The following AMPD3 variants were observed in gnomAD, a reference collection of about 807,000 sequenced individuals.
AMPD3 encodes the protein adenosine monophosphate deaminase 3, also known as AMP deaminase 3.
Under a neutral mutation model 82.3 loss-of-function variants are expected in AMPD3, and 57 were observed. The observed-to-expected ratio is 0.69, with a 90% CI of 0.56 to 0.86. The LOEUF is 0.86. Among genes scored for constraint, AMPD3 ranks in the 40% least tolerant of loss-of-function variants. The pLI, the probability that AMPD3 is intolerant of heterozygous loss-of-function variation, is 0.00. For missense variants in AMPD3, 870 were observed against 1,003.8 expected (o/e 0.87, Z 1.80); for synonymous variants, 381 against 394.7 (o/e 0.97, Z 0.41).
chr11:10,462,947 G>A (rs1848315041), intron 2 of AMPD3, among the ~76,000 whole-genome samples: 2 of 152,138 alleles, frequency 1.3e-5, no homozygotes, highest in South Asian at 4.1e-4. Flanking sequence ...CTGTGACCAG[G>A]GCTGGAGGAC....
chr11:10,491,129 C>G (rs565710839), intron 6 of AMPD3, among the ~76,000 whole-genome samples: 1 of 152,214 alleles, frequency 6.6e-6, no homozygotes. Context: ...CACCCCAGCC[C>G]GGGCTGAGCG....
intron 2 of AMPD3, chr11:10,476,890 G>A: frequency 5.1e-6 from 5 of 983,572 alleles, no homozygotes; most frequent in Non-Finnish European, 6.0e-6. Flanking sequence ...CAGGGCTCAG[G>A]TTGAGTTTCC....
chr11:10,502,951 C>T (rs1387103995), intron 13 of AMPD3, 57 bp downstream of exon 13: 3 of 1,582,972 alleles, frequency 1.9e-6, no homozygotes, highest in Non-Finnish European at 2.6e-6. Flanking sequence ...CCTAGCCTGT[C>T]CTCCCATTTC....
At chr11:10,452,831 A>G (rs1405927651), upstream of AMPD3, among the ~76,000 whole-genome samples, 1 of 152,210 alleles carries the variant, frequency 6.6e-6, no homozygotes, top group Non-Finnish European at 1.5e-5. Flanking sequence ...GCTTTTTATT[A>G]TCCACACTTC....
At chr11:10,472,423 C>T (rs1848621274) in intron 2 of AMPD3, among the ~76,000 whole-genome samples, 1 of 151,626 alleles carries the variant, frequency 6.6e-6, no homozygotes, top group East Asian at 1.9e-4. Flanking sequence ...TTACATGTAC[C>T]CCAGAACTTA....
intron 2 of AMPD3, among the ~76,000 whole-genome samples, chr11:10,464,095 G>C (rs1226234515): frequency 2.0e-5 from 3 of 152,176 alleles, no homozygotes; most frequent in Non-Finnish European, 4.4e-5. Flanking sequence ...TACCTTCATG[G>C]GGTGTTGTGA....
At chr11:10,451,094 C>G (rs758723438), upstream of AMPD3, 46 of 1,549,444 alleles carry the variant, frequency 3.0e-5, no homozygotes, top group Non-Finnish European at 3.9e-5. Context: ...CCCGCGGACC[C>G]TGCGGCCCAG....
chr11:10,451,702 A>C (rs1196486187), upstream of AMPD3, among the ~76,000 whole-genome samples: 2 of 152,194 alleles, frequency 1.3e-5, no homozygotes, highest in African/African-American at 4.8e-5. Context: ...ATGGCGACAC[A>C]TCAGCAAAGG....
Position 10,455,430 on chromosome 11 carries a change from G to A in AMPD3, c.-24G>A, listed in dbSNP as rs1175795870. 6 of 985,322 alleles carry A rather than the reference G, an allele frequency of 6.1e-6. No individual in the cohort carries two copies. The highest frequency in any genetic ancestry group is 1.2e-4 in the Admixed American group (2 of 16,272). 61.0% of individuals were successfully genotyped at this position (985,322 alleles called of 1,614,324 possible). On this transcript the variant is annotated 5_prime_UTR_variant, in exon 1 of 15. The change creates a new upstream start codon in the 5' untranslated region. Coordinates refer to ENST00000396553, the MANE Select transcript of AMPD3 (RefSeq NM_001025389.2). ...CCAGCGCTCGGAGCTGGAGGCCCAC[G>A]TGGGAGCAGTGAGCGGCTGTAAGCA...
intron 5 of AMPD3, among the ~76,000 whole-genome samples, chr11:10,486,217 G>A (rs532788405): frequency 3.6e-4 from 55 of 152,134 alleles, no homozygotes; most frequent in Admixed American, 7.2e-4. Context: ...ACTCCCTTCC[G>A]ACTCTGAGGC....
At chr11:10,495,774 G>A (rs767985553) in intron 9 of AMPD3, 41 bp downstream of exon 9, 8 of 1,612,258 alleles carry the variant, frequency 5.0e-6, no homozygotes, top group Non-Finnish European at 6.8e-6. Flanking sequence ...GCCCTACAGA[G>A]GTGACAATCT....
intron 2 of AMPD3, among the ~76,000 whole-genome samples, chr11:10,466,721 C>T (rs1250498725): frequency 4.6e-5 from 7 of 152,224 alleles, no homozygotes; most frequent in African/African-American, 1.7e-4. Flanking sequence ...TCAAGTGGGT[C>T]CCTAACCCCC....
At position 10,505,708 on chromosome 11, in the gene AMPD3, G is replaced by A; in HGVS notation, c.2128G>A (p.Glu710Lys). Residue 710 changes from glutamate to lysine, a missense_variant and splice_region_variant, in exon 15 of 15, where the codon GAA becomes AAA. Coordinates refer to ENST00000396553, the MANE Select transcript of AMPD3 (RefSeq NM_001025389.2). The part of the protein sequence containing the change: ...SVLQSGLSHQ[E>K]KQKFLGQNYY... The stretch of plus-strand genomic sequence containing the variant: ...CATTTGTATTTCTCTTGGTCCACAG[G>A]AAAAGCAAAAGTTTCTGGGACAAAA... 3.1e-6 allele frequency: 5 copies of A among 1,613,546 alleles called. No individual in the cohort carries two copies. The highest frequency in any genetic ancestry group is 3.4e-6 in the Non-Finnish European group (4 of 1,180,022).
intron 1 of AMPD3, 47 bp from the exon 2 acceptor site, chr11:10,461,468 G>A: frequency 1.2e-6 from 2 of 1,613,242 alleles, no homozygotes; most frequent in Non-Finnish European, 1.7e-6. Context: ...CCCCGGTGCT[G>A]GTGACTCAGG....
intron 2 of AMPD3, among the ~76,000 whole-genome samples, chr11:10,476,475 T>TTTG (rs1554897417): frequency 3.3e-5 from 5 of 150,288 alleles, no homozygotes; most frequent in South Asian, 2.1e-4. Context: ...GTTTTTTTTT[T>TTTG]TGTGTGTGTG....
In AMPD3 at chr11:10,500,212, A is replaced by C; in HGVS notation, c.1684A>C (p.Met562Leu). Residue 562 changes from methionine to leucine, a missense_variant, in exon 11 of 15, where the codon ATG becomes CTG. By Grantham distance (15) the Met-to-Leu change is conservative. Coordinates refer to ENST00000396553, the MANE Select transcript of AMPD3 (RefSeq NM_001025389.2). ...NPPYSYYLYY[M>L]YANIMVLNNL... Reference sequence around the variant, plus strand: ...ACCCTACAGCTACTACCTGTACTACATGTATGCCAACATCATGGTGCTCAA... The same window carrying C: ...ACCCTACAGCTACTACCTGTACTACCTGTATGCCAACATCATGGTGCTCAA... The C allele has an allele frequency of 6.2e-7, 1 of 1,614,190 alleles. No homozygotes were observed. The highest frequency in any genetic ancestry group is 8.5e-7 in the Non-Finnish European group (1 of 1,180,028).
At chr11:10,491,080 C>T (rs1007921364) in intron 6 of AMPD3, among the ~76,000 whole-genome samples, 3 of 152,196 alleles carry the variant, frequency 2.0e-5, no homozygotes, top group African/African-American at 7.2e-5. Context: ...CTCAGCCAGC[C>T]GTGGACAGCA....
At chr11:10,460,936 G>A (rs1276479211) in intron 1 of AMPD3, 2 of 985,250 alleles carry the variant, frequency 2.0e-6, no homozygotes, top group African/African-American at 1.7e-5. Flanking sequence ...TTTATTTGCT[G>A]TGTCTTGTTA....
intron 8 of AMPD3, 82 bp from the exon 9 acceptor site, chr11:10,495,484 CAACA>C: frequency 6.2e-7 from 1 of 1,606,706 alleles, no homozygotes. Context: ...GCTGGGGGAG[CAACA>C]GGACCCTGCT....
Sources: allele counts gnomAD v4.1 joint callset (sites outside exome capture counted in the v4.1 genomes callset), GRCh38; gene constraint gnomAD v4.1.1; transcripts MANE v1.5; gene names NCBI Gene and HGNC (gene_info 2026-07-23, HGNC 2026-07-21).